The following PLAUR variants were observed in gnomAD, a reference collection of about 807,000 sequenced individuals.
PLAUR encodes the protein plasminogen activator, urokinase receptor.
In PLAUR, 22 loss-of-function variants were observed where a neutral mutation model predicts 33.4. That is an observed-to-expected ratio of 0.66 (90% confidence interval 0.47 to 0.94). PLAUR has a LOEUF of 0.94. Ranked by LOEUF, PLAUR falls within the 40% of genes least tolerant of loss-of-function variation. The pLI, the probability that PLAUR is intolerant of heterozygous loss-of-function variation, is 0.00. For missense variants in PLAUR, 408 were observed against 434.7 expected (o/e 0.94, Z 0.55); for synonymous variants, 148 against 167.3 (o/e 0.88, Z 0.89).
intron 3 of PLAUR, among the ~76,000 whole-genome samples, chr19:43,663,665 C>T (rs377648409): frequency 1.3e-5 from 2 of 151,770 alleles, no homozygotes; most frequent in African/African-American, 4.8e-5. Context: ...CCTGTAATCC[C>T]AGCTACTTGG....
chr19:43,655,527 G>A lies in PLAUR; in HGVS notation c.519C>T (p.Pro173=), dbSNP rs759389279. The A allele has an allele frequency of 2.6e-5, 42 of 1,613,908 alleles. No individual in the cohort carries two copies. Among genetic ancestry groups the A allele is most frequent in the African/African-American group, 2.1e-4 (16 of 74,950 alleles). ...GGAAACCATTGGAGCCCGGGCAGCCGGGAAGGTAGCCACAGCCACGGAGGT... is the reference window on the plus strand; with the variant it reads ...GGAAACCATTGGAGCCCGGGCAGCCAGGAAGGTAGCCACAGCCACGGAGGT... ...DRHLRGCGYL[P]GCPGSNGFHN... is the part of the protein sequence containing the mutation. The change falls in exon 5 of 7, where the codon CCC becomes CCT. Residue 173 remains proline (P), a synonymous_variant. Coordinates refer to ENST00000340093, the MANE Select transcript of PLAUR (RefSeq NM_002659.4).
At chr19:43,655,220 T>TGA in intron 5 of PLAUR, among the ~76,000 whole-genome samples, 1 of 134,380 alleles carries the variant, frequency 7.4e-6, no homozygotes, top group East Asian at 2.2e-4. Flanking sequence ...AAGTTTACAG[T>TGA]GAGCGGAGAT....
intron 3 of PLAUR, among the ~76,000 whole-genome samples, chr19:43,659,076 G>T (rs894716822): frequency 6.6e-6 from 1 of 151,034 alleles, no homozygotes; most frequent in Non-Finnish European, 1.5e-5. Context: ...TTCTAGTTCT[G>T]CCCACTCTGG....
chr19:43,667,316 A>G (rs951674864), intron 2 of PLAUR: 50 of 520,504 alleles, frequency 9.6e-5, no homozygotes, highest in African/African-American at 9.4e-4. Flanking sequence ...GTTAATCTTC[A>G]TCTGGACTAG....
At chr19:43,647,753 T>G (rs1973847294), downstream of PLAUR, among the ~76,000 whole-genome samples, 1 of 151,868 alleles carries the variant, frequency 6.6e-6, no homozygotes, top group Admixed American at 6.6e-5. Flanking sequence ...TGTGGTGAGC[T>G]GAGATTGTGT....
chr19:43,656,960 C>A (rs541469215), intron 3 of PLAUR, among the ~76,000 whole-genome samples: 2,285 of 147,754 alleles, frequency 0.015, 55 homozygotes, highest in African/African-American at 0.055. Flanking sequence ...TTTTTTTTTC[C>A]CGAGACAGAG....
intron 3 of PLAUR, among the ~76,000 whole-genome samples, chr19:43,660,138 TGAGACAGAGTCTTGC>T (rs1734243884): frequency 6.8e-6 from 1 of 146,922 alleles, no homozygotes; most frequent in Non-Finnish European, 1.5e-5. Flanking sequence ...TGTTTTGTTT[TGAGACAGAGTCTTGC>T]GTTTTGTTTT....
In PLAUR at chr19:43,649,042, A is replaced by G. The variant is rs1198190713; in HGVS notation, c.856T>C (p.Ser286Pro). 6.2e-7 allele frequency: 1 copy of G among 1,614,232 alleles called. No homozygotes were observed. The highest frequency in any genetic ancestry group is 1.3e-5 in the African/African-American group (1 of 75,064). The change falls in exon 7 of 7, where the codon TCC becomes CCC. Residue 286 changes from serine to proline, a missense_variant. Transcript: ENST00000340093. ...DAFSMNHIDV[S>P]CCTKSGCNHP... is the part of the protein sequence containing the mutation. ...TTACAGCCACTTTTAGTACAGCAGG[A>G]GACATCAATGTGGTTCATGCTGAAG...
At chr19:43,650,018 GTT>G (rs60220696) in intron 6 of PLAUR, among the ~76,000 whole-genome samples, 3 of 138,958 alleles carry the variant, frequency 2.2e-5, no homozygotes, top group African/African-American at 5.6e-5. Flanking sequence ...CTTTTTTTTT[GTT>G]TTTTTTTTTG....
intron 3 of PLAUR, among the ~76,000 whole-genome samples, chr19:43,664,885 G>C (rs1039762190): frequency 6.6e-6 from 1 of 152,182 alleles, no homozygotes; most frequent in African/African-American, 2.4e-5. Flanking sequence ...GTGTGAGCTT[G>C]TTAAGGGCAG....
At chr19:43,655,119 A>C (rs897723495) in intron 5 of PLAUR, among the ~76,000 whole-genome samples, 4 of 151,976 alleles carry the variant, frequency 2.6e-5, no homozygotes, top group African/African-American at 9.7e-5. Context: ...TCTACTAAAA[A>C]TAGAAAAATT....
chr19:43,652,444 C>G (rs1430794127), intron 5 of PLAUR, 73 bp from the exon 6 acceptor site: 2 of 1,426,412 alleles, frequency 1.4e-6, no homozygotes, highest in Non-Finnish European at 2.0e-6. Flanking sequence ...AATGACCTCC[C>G]CAGGACTTCC....
At position 43,663,384 on chromosome 19, in the gene PLAUR, C is replaced by T. The variant is rs111294086; in HGVS notation, c.310+1932G>A. 2.8e-3 allele frequency among the ~76,000 whole-genome samples: 416 copies of T among 150,570 alleles called. 3 individuals carry two copies. The highest frequency in any genetic ancestry group is 9.3e-3 in the African/African-American group (382 of 40,868). On this transcript the variant is annotated intron_variant, in intron 3 of 6. Coordinates refer to ENST00000340093, the MANE Select transcript of PLAUR (RefSeq NM_002659.4). ...GTGAGTCCCATGGAGTCAGGCAGGGCACAAGGCTGTCTTGGTCCCTGCTGT... is the reference window on the plus strand; with the variant it reads ...GTGAGTCCCATGGAGTCAGGCAGGGTACAAGGCTGTCTTGGTCCCTGCTGT...
At chr19:43,665,759 C>G (rs1469290033) in intron 2 of PLAUR, among the ~76,000 whole-genome samples, 1 of 148,618 alleles carries the variant, frequency 6.7e-6, no homozygotes, top group East Asian at 2.0e-4. Context: ...CTTGACCTCC[C>G]AGGCTCAAGC....
At chr19:43,661,688 T>A (rs1162304436) in intron 3 of PLAUR, 1 of 152,226 alleles carries the variant, frequency 6.6e-6, no homozygotes, top group African/African-American at 2.4e-5. Flanking sequence ...TGAACCACTT[T>A]GCCCAGCCAA....
chr19:43,667,729 C>T, intron 1 of PLAUR, 38 bp from the exon 2 acceptor site: 1 of 1,607,016 alleles, frequency 6.2e-7, no homozygotes, highest in Non-Finnish European at 8.5e-7. Context: ...AGGTTAACTA[C>T]GCTTAGCTCC....
intron 5 of PLAUR, among the ~76,000 whole-genome samples, chr19:43,654,033 G>A (rs4251899): frequency 0.065 from 9,763 of 150,648 alleles, 371 homozygotes; most frequent in Middle Eastern, 0.18. Context: ...CTGAGGCAGG[G>A]GAATGGCGTG....
chr19:43,650,785 A>G (rs1464133094), intron 6 of PLAUR, among the ~76,000 whole-genome samples: 3 of 152,084 alleles, frequency 2.0e-5, no homozygotes, highest in Admixed American at 2.0e-4. Context: ...CTGTAATCCC[A>G]GCACTTTGGG....
chr19:43,662,473 G>A (rs1221475928), intron 3 of PLAUR, among the ~76,000 whole-genome samples: 2 of 152,008 alleles, frequency 1.3e-5, no homozygotes, highest in African/African-American at 4.8e-5. Context: ...ACTCCAGCCT[G>A]GGCAAAAAGA....
Sources: allele counts gnomAD v4.1 joint callset (sites outside exome capture counted in the v4.1 genomes callset), GRCh38; gene constraint gnomAD v4.1.1; transcripts MANE v1.5; gene names NCBI Gene and HGNC (gene_info 2026-07-23, HGNC 2026-07-21).